TRPC4: variants seen among roughly 807,000 people sequenced by gnomAD.
The protein encoded by TRPC4 is short transient receptor potential channel 4.
A neutral mutation model predicts 99.4 loss-of-function variants in TRPC4; 49 were observed. That is an observed-to-expected ratio of 0.49 (90% CI 0.39 to 0.63). The LOEUF (loss-of-function observed/expected upper bound fraction) is 0.63. Among genes scored for constraint, TRPC4 ranks in the 20% least tolerant of loss-of-function variants. The pLI is 0.00. For missense variants in TRPC4, 898 were observed against 1,152.9 expected (o/e 0.78, Z 3.20); for synonymous variants, 454 against 425.9 (o/e 1.07, Z -0.81).
intron 6 of TRPC4, among the ~76,000 whole-genome samples, chr13:37,659,112 T>C (rs879492356): frequency 2.0e-5 from 3 of 152,200 alleles, no homozygotes; most frequent in South Asian, 4.1e-4. Flanking sequence ...GATGTTCGTC[T>C]CTTTCAAATA....
intron 1 of TRPC4, among the ~76,000 whole-genome samples, chr13:37,846,474 A>G (rs1118722): frequency 0.5 from 76,011 of 151,834 alleles, 19,369 homozygotes; most frequent in East Asian, 0.69. Context: ...TAGAGTCTTT[A>G]TATGGAATTA....
At chr13:37,838,246 C>A (rs1458289571) in intron 1 of TRPC4, among the ~76,000 whole-genome samples, 1 of 152,190 alleles carries the variant, frequency 6.6e-6, no homozygotes, top group African/African-American at 2.4e-5. Flanking sequence ...TCTGAGCCAG[C>A]TGTTCTTAGT....
chr13:37,766,378 C>T (rs1481070820), intron 2 of TRPC4, among the ~76,000 whole-genome samples: 3 of 150,766 alleles, frequency 2.0e-5, no homozygotes, highest in East Asian at 2.0e-4. Context: ...ACTGTTGCAA[C>T]GAAATTAACG....
intron 1 of TRPC4, among the ~76,000 whole-genome samples, chr13:37,822,721 C>A (rs1267089553): frequency 2.6e-5 from 4 of 152,048 alleles, no homozygotes; most frequent in African/African-American, 7.3e-5. Context: ...AATAATGCCG[C>A]AATGAACATA....
chr13:37,694,458 T>C (rs1191854334), intron 3 of TRPC4, among the ~76,000 whole-genome samples: 1 of 152,178 alleles, frequency 6.6e-6, no homozygotes, highest in East Asian at 1.9e-4. Flanking sequence ...ATGGGGCACC[T>C]GAGGACAATC....
intron 1 of TRPC4, among the ~76,000 whole-genome samples, chr13:37,832,926 T>C (rs1300907239): frequency 6.6e-6 from 1 of 152,190 alleles, no homozygotes; most frequent in Non-Finnish European, 1.5e-5. Flanking sequence ...TCATGTTAGA[T>C]GTGTTTTTAT....
chr13:37,787,264 T>C (rs1437674388), intron 1 of TRPC4, among the ~76,000 whole-genome samples: 2 of 152,078 alleles, frequency 1.3e-5, no homozygotes, highest in African/African-American at 4.8e-5. Flanking sequence ...TTTACGGATG[T>C]AATCTCATGA....
intron 1 of TRPC4, among the ~76,000 whole-genome samples, chr13:37,822,076 T>TA (rs1651912988): frequency 6.6e-6 from 1 of 152,098 alleles, no homozygotes; most frequent in Admixed American, 6.6e-5. Flanking sequence ...AAAGGTCTAA[T>TA]ATCCAGAATA....
intron 3 of TRPC4, among the ~76,000 whole-genome samples, chr13:37,742,319 G>A (rs549753687): frequency 3.9e-5 from 6 of 152,244 alleles, no homozygotes; most frequent in Non-Finnish European, 8.8e-5. Flanking sequence ...GTTATTAGGA[G>A]ATTAACCCAA....
intron 1 of TRPC4, among the ~76,000 whole-genome samples, chr13:37,797,302 T>C: frequency 6.6e-6 from 1 of 152,184 alleles, no homozygotes; most frequent in East Asian, 1.9e-4. Context: ...TTCAACTGAC[T>C]ATGGATGCAA....
chr13:37,768,345 A>T (rs1956444546), intron 2 of TRPC4, among the ~76,000 whole-genome samples: 1 of 151,544 alleles, frequency 6.6e-6, no homozygotes, highest in South Asian at 2.1e-4. Context: ...GAAGGGAATT[A>T]AAAAAGACAC....
Position 37,746,020 on chromosome 13 carries a change from G to A in TRPC4, c.814C>T (p.Arg272Ter). 1.2e-6 allele frequency: 2 copies of A among 1,613,734 alleles called. No homozygotes were observed. The highest frequency in any genetic ancestry group is 1.7e-6 in the Non-Finnish European group (2 of 1,179,802). ...TCTTCTATGAGACTATTGTCATCTC[G>A]GTAATTAAGAATGATTTCCAGTTCT... ...SRELEIILNY[R>*]DDNSLIEEQS... The change falls in exon 3 of 11, where the codon CGA (arginine) becomes TGA (stop). Residue 272 changes from arginine (R) to a stop codon, truncating the protein, a stop_gained. Transcript: ENST00000379705. LOFTEE classifies it high-confidence loss of function.
At chr13:37,741,152 T>C (rs1418873586) in intron 3 of TRPC4, among the ~76,000 whole-genome samples, 2 of 152,234 alleles carry the variant, frequency 1.3e-5, no homozygotes, top group African/African-American at 4.8e-5. Flanking sequence ...ACCTTTTAAT[T>C]ACTTACTTCA....
At chr13:37,796,968 A>ATAAAGTAAAGTAAAGTAAAG (rs548354406) in intron 1 of TRPC4, among the ~76,000 whole-genome samples, 66 of 115,126 alleles carry the variant, frequency 5.7e-4, no homozygotes, top group Middle Eastern at 4.5e-3. Flanking sequence ...ATAAAATAAA[A>ATAAAGTAAAGTAAAGTAAAG]TAAAGTAAAG....
At chr13:37,833,714 A>T (rs1447905789) in intron 1 of TRPC4, among the ~76,000 whole-genome samples, 1 of 151,710 alleles carries the variant, frequency 6.6e-6, no homozygotes, top group African/African-American at 2.4e-5. Context: ...ATTTAGCTGG[A>T]CTCTTAGGAG....
At chr13:37,639,944 G>A (rs1288673022) in intron 8 of TRPC4, among the ~76,000 whole-genome samples, 1 of 151,888 alleles carries the variant, frequency 6.6e-6, no homozygotes, top group Admixed American at 6.6e-5. Context: ...GGTGGGGTAA[G>A]CACAGGGCAG....
At chr13:37,650,012 C>T (rs12856733) in intron 8 of TRPC4, among the ~76,000 whole-genome samples, 56,849 of 151,810 alleles carry the variant, frequency 0.37, 11,124 homozygotes, top group African/African-American at 0.45. Flanking sequence ...TCCTAATCAC[C>T]TCTTTGTAAC....
At chr13:37,792,760 T>TAC (rs1957154847) in intron 1 of TRPC4, among the ~76,000 whole-genome samples, 1 of 133,954 alleles carries the variant, frequency 7.5e-6, no homozygotes. Flanking sequence ...TGTGTGTGTG[T>TAC]ACGTGGATGT....
rs925345083 is a variant in TRPC4, at chr13:37,813,825, T to G, written c.-27-30465A>C. 2.0e-5 allele frequency among the ~76,000 whole-genome samples: 3 copies of G among 151,680 alleles called. No homozygotes were observed. In the East Asian group the frequency reaches 5.8e-4, roughly 29 times the overall value. Reference sequence around the variant, plus strand: ...CTCTAGCAAAAAACAGAAGGAACACTTTACAACTCATTCTATGAAGGCAGA... The same window carrying G: ...CTCTAGCAAAAAACAGAAGGAACACGTTACAACTCATTCTATGAAGGCAGA... On this transcript the variant is annotated intron_variant, in intron 1 of 10. Coordinates refer to ENST00000379705, the MANE Select transcript of TRPC4 (RefSeq NM_016179.4).
Sources: allele counts gnomAD v4.1 joint callset (sites outside exome capture counted in the v4.1 genomes callset), GRCh38; gene constraint gnomAD v4.1.1; transcripts MANE v1.5; gene names NCBI Gene and HGNC (gene_info 2026-07-23, HGNC 2026-07-21).